The following TTC3 variants were observed in gnomAD, a reference collection of about 807,000 sequenced individuals.
The protein encoded by TTC3 is E3 ubiquitin-protein ligase TTC3.
Under a neutral mutation model 249.6 loss-of-function variants are expected in TTC3, and 180 were observed. That is an observed-to-expected ratio of 0.72 (90% CI 0.64 to 0.82). The LOEUF is 0.82. Among genes scored for constraint, TTC3 ranks in the 40% least tolerant of loss-of-function variants. The probability of loss-of-function intolerance (pLI) is 0.00; values close to 1 mark genes in which losing one functional copy is unlikely to be tolerated. For missense variants in TTC3, 2,061 were observed against 2,398.4 expected, an observed-to-expected ratio of 0.86 and a Z score of 2.94; for synonymous variants, 717 against 805.0, an observed-to-expected ratio of 0.89 and a Z score of 1.85.
chr21:37,153,079 T>C (rs1382392863), exon 27 of TTC3: 1 of 1,613,830 alleles, frequency 6.2e-7, no homozygotes, highest in African/African-American at 1.3e-5. Flanking sequence ...ATTGCTTTCT[T>C]GGAAAGTTTT....
intron 40 of TTC3, 26 bp downstream of exon 40, chr21:37,191,450 C>T: frequency 2.8e-6 from 4 of 1,435,010 alleles, no homozygotes; most frequent in Non-Finnish European, 3.8e-6. Flanking sequence ...CTTTTAATCC[C>T]ATCAAAATCT....
At chr21:37,119,218 T>G (rs991709954) in intron 11 of TTC3, among the ~76,000 whole-genome samples, 2 of 152,124 alleles carry the variant, frequency 1.3e-5, no homozygotes, top group Non-Finnish European at 2.9e-5. Flanking sequence ...GTTTTAAGAT[T>G]TTTTTTAGGC....
chr21:37,182,778 CAA>C lies in TTC3; in HGVS notation c.4624_4625del (p.Lys1542AspfsTer15), dbSNP rs745967226. 5 of 1,580,654 alleles carry C rather than the reference CAA, an allele frequency of 3.2e-6. No individual in the cohort carries two copies. The East Asian group carries it at 1.1e-4, about 36-fold the overall frequency. On this transcript the variant is annotated frameshift_variant, in exon 36 of 46. Transcript: ENST00000355666. LOFTEE classifies it high-confidence loss of function. The stretch of plus-strand genomic sequence containing the variant: ...GTACTTTCTAAATGTTTTTAGATCT[CAA>C]AGACGGAATTAGATTGGTTCCTTCA...
exon 32 of TTC3, chr21:37,164,120 C>A: frequency 6.2e-7 from 1 of 1,613,500 alleles, no homozygotes; most frequent in Non-Finnish European, 8.5e-7. Flanking sequence ...TAGAAGAATT[C>A]GAAGCTCTCT....
exon 37 of TTC3, chr21:37,185,738 A>T: frequency 6.4e-7 from 1 of 1,555,584 alleles, no homozygotes; most frequent in East Asian, 2.4e-5. Context: ...AAGGAAAAGG[A>T]ACATGAATTA....
At chr21:37,144,182 T>C (rs556877810) in intron 20 of TTC3, among the ~76,000 whole-genome samples, 7 of 151,920 alleles carry the variant, frequency 4.6e-5, no homozygotes, top group Admixed American at 1.3e-4. Context: ...ACATGGCACA[T>C]GTATACCTAT....
chr21:37,201,555 C>G, exon 46 of TTC3: 1 of 1,614,002 alleles, frequency 6.2e-7, no homozygotes. Flanking sequence ...CAGGAGCTGC[C>G]TTCCTGCTCT....
chr21:37,175,763 C>T (rs1461475270), intron 35 of TTC3, among the ~76,000 whole-genome samples: 1 of 151,532 alleles, frequency 6.6e-6, no homozygotes, highest in African/African-American at 2.4e-5. Flanking sequence ...GGAAAAGTGG[C>T]TTTTTAAATT....
chr21:37,079,534 T>G (rs1301123353), intron 1 of TTC3, among the ~76,000 whole-genome samples: 32 of 141,324 alleles, frequency 2.3e-4, no homozygotes, highest in Non-Finnish European at 7.6e-5. Flanking sequence ...TTTTTTTTTT[T>G]TTTTTTTTTT....
At chr21:37,201,621 A>G (rs1458684745) in exon 46 of TTC3, 1 of 1,581,184 alleles carries the variant, frequency 6.3e-7, no homozygotes, top group Non-Finnish European at 8.6e-7. Context: ...AATCCGAAGA[A>G]TGACAATTTT....
chr21:37,194,784 A>G (rs1485848359), intron 41 of TTC3: 1 of 152,186 alleles, frequency 6.6e-6, no homozygotes, highest in East Asian at 1.9e-4. Flanking sequence ...GATTACGGGA[A>G]GCTACTATGC....
At chr21:37,142,539 G>A (rs2078577801) in intron 20 of TTC3, among the ~76,000 whole-genome samples, 2 of 152,142 alleles carry the variant, frequency 1.3e-5, no homozygotes, top group Admixed American at 6.5e-5. Context: ...CAACTTACAA[G>A]GGATGTGAAG....
chr21:37,192,082 G>A (rs1205333325), intron 40 of TTC3, 30 bp from the exon 41 acceptor site: 1 of 1,385,272 alleles, frequency 7.2e-7, no homozygotes, highest in East Asian at 2.3e-5. Flanking sequence ...GACAATTGTG[G>A]TTTTCCCACA....
intron 25 of TTC3, among the ~76,000 whole-genome samples, chr21:37,151,568 GA>G (rs1009292209): frequency 1.3e-5 from 2 of 152,102 alleles, no homozygotes; most frequent in Non-Finnish European, 2.9e-5. Flanking sequence ...ACCTTTCTTA[GA>G]AATGAGAGTT....
chr21:37,129,024 G>A lies in TTC3; in HGVS notation c.1319G>A (p.Gly440Glu), dbSNP rs754906817. 6.9e-6 allele frequency: 11 copies of A among 1,593,658 alleles called. No individual in the cohort carries two copies. In the African/African-American group the frequency reaches 1.4e-4, roughly 20 times the overall value. Residue 440 changes from glycine to glutamate, a missense_variant, in exon 16 of 46, where the codon GGA (glycine) becomes GAA (glutamate). This residue lies in a region of TTC3 where 989 missense variants were observed against 1,145.1 expected (regional missense o/e 0.86). Coordinates refer to ENST00000355666, the Ensembl canonical transcript of TTC3. Reference sequence around the variant, plus strand: ...ACAGGTCAGCCTCCAAAACATAAAGGAAAACAAAAATCTCGAAACAATGAA... The same window carrying A: ...ACAGGTCAGCCTCCAAAACATAAAGAAAAACAAAAATCTCGAAACAATGAA...
chr21:37,124,622 C>G, exon 14 of TTC3: 2 of 1,610,922 alleles, frequency 1.2e-6, no homozygotes, highest in Non-Finnish European at 8.5e-7. Flanking sequence ...CACTTAGGGC[C>G]TACACACCTA....
At chr21:37,193,727 G>A (rs1022979741) in intron 41 of TTC3, 2 of 152,180 alleles carry the variant, frequency 1.3e-5, no homozygotes, top group African/African-American at 2.4e-5. Flanking sequence ...TCGGTAATTA[G>A]TGGTGATAAA....
intron 24 of TTC3, 138 bp from the exon 25 acceptor site, chr21:37,150,682 G>T (rs1235529601): frequency 3.1e-6 from 2 of 653,344 alleles, no homozygotes; most frequent in Non-Finnish European, 5.4e-6. Context: ...CTGGGCTTTT[G>T]TCTGGGTCAG....
intron 18 of TTC3, 53 bp from the exon 19 acceptor site, chr21:37,138,581 C>A: frequency 1.6e-6 from 2 of 1,258,686 alleles, no homozygotes; most frequent in Non-Finnish European, 2.3e-6. Context: ...TGACTGGATG[C>A]AAATTGGGCA....
Sources: allele counts gnomAD v4.1 joint callset (sites outside exome capture counted in the v4.1 genomes callset), GRCh38; gene constraint gnomAD v4.1.1; regional missense constraint gnomAD v4.1.1; transcripts MANE v1.5; gene names NCBI Gene and HGNC (gene_info 2026-07-23, HGNC 2026-07-21).